The following SYNE4 variants were observed in gnomAD, a reference collection of about 807,000 sequenced individuals.
SYNE4 encodes nesprin-4.
SYNE4 carries 41 observed loss-of-function variants against 46.9 expected under a neutral mutation model. The ratio of observed to expected loss-of-function variants is 0.87; its 90% CI spans 0.68 to 1.13. The LOEUF (loss-of-function observed/expected upper bound fraction) is 1.13, where lower values mean the gene tolerates loss of function less well. Among genes scored for constraint, SYNE4 ranks in the 50% most tolerant of loss-of-function variants. SYNE4 has a pLI of 0.00. For synonymous variants in SYNE4, 221 were observed against 219.5 expected (o/e 1.01, Z -0.06); for missense variants, 492 against 514.8 (o/e 0.96, Z 0.43).
chr19:36,006,009 A>T, intron 5 of SYNE4: 1 of 160,728 alleles, frequency 6.2e-6, no homozygotes, highest in Non-Finnish European at 1.3e-5. Flanking sequence ...ACAGAGTGAG[A>T]CTCCATCTCA....
chr19:36,006,983 G>T (rs1968375795), intron 3 of SYNE4, 39 bp from the exon 4 acceptor site: 1 of 1,532,476 alleles, frequency 6.5e-7, no homozygotes. Flanking sequence ...ACACACCAGG[G>T]ACCCAAAACC....
chr19:36,006,083 T>G, intron 5 of SYNE4: 2 of 273,518 alleles, frequency 7.3e-6, no homozygotes, highest in Non-Finnish European at 1.4e-5. Context: ...TGAGTGCTGT[T>G]AGGAAATAAA....
chr19:36,008,071 T>A (rs1488951114), intron 2 of SYNE4, 146 bp downstream of exon 2: 14 of 1,121,406 alleles, frequency 1.2e-5, no homozygotes, highest in Non-Finnish European at 1.5e-5. Flanking sequence ...GGTCAGATAT[T>A]GAAACACTTT....
Position 36,003,318 on chromosome 19 carries a change from T to A in SYNE4, c.*19A>T. The A allele has an allele frequency of 6.2e-7, 1 of 1,613,266 alleles. No individual in the cohort carries two copies. The highest frequency in any genetic ancestry group is 1.1e-5 in the South Asian group (1 of 90,964). On this transcript the variant is annotated 3_prime_UTR_variant, in exon 8 of 8. Transcript: ENST00000324444. ...AGTATCTTCACACATCCTTTGACAG[T>A]GACCATTTATTACACACATCAGACT... is the stretch of plus-strand genomic sequence containing the variant.
At chr19:36,004,600 G>A (rs73607766) in intron 6 of SYNE4, among the ~76,000 whole-genome samples, 10,003 of 152,262 alleles carry the variant, frequency 0.066, 702 homozygotes, top group African/African-American at 0.17. Flanking sequence ...CAACTTCCAT[G>A]ATTGGTGTGA....
Position 36,006,512 on chromosome 19 carries a change from G to C in SYNE4, c.778C>G (p.Pro260Ala), listed in dbSNP as rs763164281. ...DPAGDIGGLG[P>A]LGQKTARTLG... ...GTCCGGGCTGTCTTTTGTCCCAAGG[G>C]CCCAAGGCCCCCAATGTCCCCCGCC... Residue 260 changes from proline to alanine, a missense_variant, in exon 5 of 8, where the codon CCC becomes GCC. Physicochemically the swap from Pro to Ala is conservative, Grantham distance 27. Transcript: ENST00000324444. 4 of 1,609,818 alleles carry C rather than the reference G, an allele frequency of 2.5e-6. No homozygotes were observed. Among genetic ancestry groups the C allele is most frequent in the Non-Finnish European group, 3.4e-6 (4 of 1,178,112 alleles).
Position 36,006,798 on chromosome 19 carries a change from G to A in SYNE4, c.570C>T (p.Ile190=), listed in dbSNP as rs1306452918. The A allele has an allele frequency of 3.1e-6, 5 of 1,611,652 alleles. No individual in the cohort carries two copies. Among genetic ancestry groups the A allele is most frequent in the Non-Finnish European group, 3.4e-6 (4 of 1,179,262 alleles). Residue 190 remains isoleucine (I), a synonymous_variant, in exon 4 of 8, where the codon ATC becomes ATT. Transcript: ENST00000324444. ...LRALGAYRDS[I]FRRLWQLQAQ... Reference sequence around the variant, plus strand: ...CCTGCAGCTGCCAGAGCCGCCGGAAGATGGAGTCTCGGTAAGCTCCCAGGG... The same window carrying A: ...CCTGCAGCTGCCAGAGCCGCCGGAAAATGGAGTCTCGGTAAGCTCCCAGGG...
At chr19:36,003,545 A>G in intron 7 of SYNE4, 25 bp from the exon 8 acceptor site, 2 of 1,599,184 alleles carry the variant, frequency 1.3e-6, no homozygotes, top group Non-Finnish European at 8.5e-7. Context: ...GCAGTGTTAA[A>G]CATACAGGTG....
At chr19:36,007,416 T>TG (rs553178847) in intron 2 of SYNE4, 148 bp from the exon 3 acceptor site, 40 of 1,423,652 alleles carry the variant, frequency 2.8e-5, no homozygotes, top group South Asian at 2.4e-4. Context: ...TGGCTCCCAC[T>TG]GGGGGGGCCT....
chr19:36,007,645 G>T (rs1197470707), intron 2 of SYNE4: 1 of 975,396 alleles, frequency 1.0e-6, no homozygotes, highest in African/African-American at 1.8e-5. Context: ...GGGAGGCCGA[G>T]GCCCGAGGAT....
At position 36,008,280 on chromosome 19, in the gene SYNE4, A is replaced by T. The variant is rs770665200; in HGVS notation, c.216T>A (p.Ala72=). The change falls in exon 2 of 8, where the codon GCT becomes GCA. Residue 72 remains alanine, a synonymous_variant. Coordinates refer to ENST00000324444, the MANE Select transcript of SYNE4 (RefSeq NM_001039876.3). ...AGGGTGTTGACCATCTCGGGGGGTG[A>T]GCGGCAGGCTCATTGCCCCTTGGCC... ...QGGPRGNEPA[A]HPPRWSTPSS... The T allele has an allele frequency of 1.9e-6, 3 of 1,600,892 alleles. No homozygotes were observed. The Admixed American group carries it at 5.1e-5, about 27-fold the overall frequency.
intron 2 of SYNE4, among the ~76,000 whole-genome samples, chr19:36,007,761 C>T (rs1000461148): frequency 3.6e-4 from 54 of 151,750 alleles, no homozygotes; most frequent in Middle Eastern, 3.4e-3. Flanking sequence ...CGGTGACGCA[C>T]GCCTGTAATC....
At position 36,008,243 on chromosome 19, in the gene SYNE4, C is replaced by T; in HGVS notation, c.253G>A (p.Asp85Asn). ...TCACAGTGTTTGCCCCCAGCTGGGT[C>T]CTCGTAGGAAGAGGGTGTTGACCAT... Reference protein sequence around the residue: ...PRWSTPSSYEDPAGGKHCEHP... With the variant: ...PRWSTPSSYENPAGGKHCEHP... The change falls in exon 2 of 8, where the codon GAC becomes AAC. Residue 85 changes from aspartate (D) to asparagine (N), a missense_variant. Asp to Asn is a conservative substitution (Grantham distance 23). Coordinates refer to ENST00000324444, the MANE Select transcript of SYNE4 (RefSeq NM_001039876.3). 1 of 1,610,956 alleles carries T rather than the reference C, an allele frequency of 6.2e-7. No homozygotes were observed. The highest frequency in any genetic ancestry group is 8.5e-7 in the Non-Finnish European group (1 of 1,178,462).
intron 2 of SYNE4, 70 bp from the exon 3 acceptor site, chr19:36,007,338 C>A: frequency 6.8e-7 from 1 of 1,475,734 alleles, no homozygotes; most frequent in East Asian, 2.5e-5. Flanking sequence ...CCATCCCCAC[C>A]CCTCTTCTGT....
chr19:36,008,452 A>G (rs554021908), intron 1 of SYNE4, 85 bp from the exon 2 acceptor site: 83 of 1,595,594 alleles, frequency 5.2e-5, no homozygotes, highest in African/African-American at 1.3e-4. Flanking sequence ...GGCCTCTCCT[A>G]TGTCCCCAGG....
In SYNE4 at chr19:36,003,681, G is replaced by A. The variant is rs2145339628; in HGVS notation, c.973-10C>T. On this transcript the variant is annotated splice_polypyrimidine_tract_variant and intron_variant, in intron 6 of 7. Transcript: ENST00000324444. ...CTTGCCTCTTCTTGTCCTAAGGAGG[G>A]AGAGCAGCCAGCAGCAGAATGGATA... The A allele has an allele frequency of 6.2e-7, 1 of 1,611,750 alleles. No individual in the cohort carries two copies. The highest frequency in any genetic ancestry group is 8.5e-7 in the Non-Finnish European group (1 of 1,179,148).
intron 6 of SYNE4, among the ~76,000 whole-genome samples, chr19:36,004,194 A>G (rs1976772974): frequency 6.6e-6 from 1 of 152,080 alleles, no homozygotes; most frequent in South Asian, 2.1e-4. Context: ...AATGATTTGT[A>G]GAGATGGGGG....
intron 6 of SYNE4, among the ~76,000 whole-genome samples, chr19:36,004,866 C>CTTTCTTTTTTTTT (rs1976791917): frequency 2.2e-5 from 2 of 89,908 alleles, no homozygotes; most frequent in Non-Finnish European, 4.3e-5. Context: ...TTCTTTCTTT[C>CTTTCTTTTTTTTT]TTTTTTTTTT....
chr19:36,003,675 AG>A lies in SYNE4; in HGVS notation c.973-5del. 1.9e-6 allele frequency: 3 copies of A among 1,612,226 alleles called. No individual in the cohort carries two copies. The South Asian group carries it at 3.3e-5, about 18-fold the overall frequency. On this transcript the variant is annotated splice_polypyrimidine_tract_variant and splice_region_variant and intron_variant, in intron 6 of 7. Coordinates refer to ENST00000324444, the MANE Select transcript of SYNE4 (RefSeq NM_001039876.3). ...GAGATGCTTGCCTCTTCTTGTCCTA[AG>A]GAGGGAGAGCAGCCAGCAGCAGAAT...
Sources: gnomAD v4.1 joint callset for allele counts (sites outside exome capture counted in the v4.1 genomes callset) on GRCh38, gnomAD v4.1.1 for gene constraint, MANE v1.5 for transcripts, NCBI Gene and HGNC (gene_info 2026-07-23, HGNC 2026-07-21) for gene names.